The following SUGP1 variants were observed in gnomAD, a reference collection of about 807,000 sequenced individuals.
SUGP1 encodes the protein SURP and G-patch domain containing 1.
Under a neutral mutation model 76.5 loss-of-function variants are expected in SUGP1, and 34 were observed. That is an observed-to-expected ratio of 0.44 (90% CI 0.34 to 0.59). The LOEUF is 0.59. Ranked by LOEUF, SUGP1 falls within the 20% of genes least tolerant of loss-of-function variation. The pLI, the probability that SUGP1 is intolerant of heterozygous loss-of-function variation, is 0.01. For synonymous variants in SUGP1, 326 were observed against 326.2 expected (o/e 1.00, Z 0.01); for missense variants, 752 against 851.7 (o/e 0.88, Z 1.46).
intron 3 of SUGP1, among the ~76,000 whole-genome samples, chr19:19,307,331 T>C (rs2061324530): frequency 6.6e-6 from 1 of 151,976 alleles, no homozygotes; most frequent in East Asian, 1.9e-4. Context: ...ATTACAGACA[T>C]GAGCCACCAT....
At chr19:19,315,817 A>G (rs1477905547) in intron 2 of SUGP1, among the ~76,000 whole-genome samples, 1 of 151,186 alleles carries the variant, frequency 6.6e-6, no homozygotes, top group African/African-American at 2.4e-5. Context: ...TTGTCACCCC[A>G]TAAGGGCAGA....
Position 19,277,811 on chromosome 19 carries a change from CT to C in SUGP1, c.1703del (p.Gln568ArgfsTer3). 1 of 1,614,084 alleles carries C rather than the reference CT, an allele frequency of 6.2e-7. No homozygotes were observed. Among genetic ancestry groups the C allele is most frequent in the Non-Finnish European group, 8.5e-7 (1 of 1,180,000 alleles). On this transcript the variant is annotated frameshift_variant, in exon 12 of 14. Transcript: ENST00000247001. LOFTEE classifies it high-confidence loss of function. Reference sequence around the variant, plus strand: ...CCTTCCAGCCCATCTTCATCAGCATCTGGTAGCCGATGTTCTCCACAGTCAG... The same window carrying C: ...CCTTCCAGCCCATCTTCATCAGCATCGGTAGCCGATGTTCTCCACAGTCAG... Reference protein sequence around the residue: ...FKLTVENIGYQMLMKMGWKEG... With the variant: ...FKLTVENIGYXMLMKMGWKEG...
Position 19,280,246 on chromosome 19 carries a change from C to A in SUGP1, c.1289G>T (p.Gly430Val), listed in dbSNP as rs769196580. The change falls in exon 9 of 14, where the codon GGT (glycine) becomes GTT (valine). Residue 430 changes from glycine to valine, a missense_variant. By Grantham distance (109) the Gly-to-Val change is moderately radical. Coordinates refer to ENST00000247001, the MANE Select transcript of SUGP1 (RefSeq NM_172231.4). The stretch of plus-strand genomic sequence containing the variant: ...TGAAAGCTCTGTGACGCCCACTAGA[C>A]CCACAGGCTTCCCCTTCTCATAGCC... Reference protein sequence around the residue: ...GLGYEKGKPVGLVGVTELSDA... With the variant: ...GLGYEKGKPVVLVGVTELSDA... The A allele has an allele frequency of 3.1e-6, 5 of 1,613,934 alleles. No individual in the cohort carries two copies. Among genetic ancestry groups the A allele is most frequent in the Non-Finnish European group, 4.2e-6 (5 of 1,179,996 alleles).
intron 8 of SUGP1, among the ~76,000 whole-genome samples, chr19:19,294,569 C>T (rs2061210686): frequency 6.9e-6 from 1 of 145,776 alleles, no homozygotes; most frequent in African/African-American, 2.5e-5. Context: ...ACTAAAGGTA[C>T]AAAACTCTCG....
chr19:19,279,502 T>A, intron 9 of SUGP1, 112 bp from the exon 10 acceptor site: 1 of 1,213,904 alleles, frequency 8.2e-7, no homozygotes, highest in Non-Finnish European at 1.1e-6. Context: ...GTGGCTCATC[T>A]GGACCCCTGG....
chr19:19,307,956 T>A (rs1310563816), intron 3 of SUGP1, among the ~76,000 whole-genome samples: 4 of 151,446 alleles, frequency 2.6e-5, no homozygotes, highest in African/African-American at 9.7e-5. Context: ...TGAGCCACTG[T>A]GCCCAGTGAG....
chr19:19,290,414 C>G (rs901410449), intron 8 of SUGP1, among the ~76,000 whole-genome samples: 3 of 152,108 alleles, frequency 2.0e-5, no homozygotes, highest in African/African-American at 7.2e-5. Context: ...GAGGCGGAAG[C>G]AAGTGGATCA....
chr19:19,280,560 G>C (rs1301618852), intron 8 of SUGP1: 3 of 428,120 alleles, frequency 7.0e-6, no homozygotes, highest in Non-Finnish European at 1.3e-5. Context: ...AAGAATCAGA[G>C]GTTCCGGGAC....
At position 19,303,812 on chromosome 19, in the gene SUGP1, T is replaced by C. The variant is rs745959391; in HGVS notation, c.574A>G (p.Ile192Val). 4 of 1,614,170 alleles carry C rather than the reference T, an allele frequency of 2.5e-6. No individual in the cohort carries two copies. The South Asian group carries it at 4.4e-5, about 18-fold the overall frequency. Residue 192 changes from isoleucine (I) to valine (V), a missense_variant, in exon 5 of 14, where the codon ATA becomes GTA. Ile to Val is a conservative substitution (Grantham distance 29). This residue lies in a region of SUGP1 where 620 missense variants were observed against 617.3 expected (regional missense o/e 1.00). Transcript: ENST00000247001. ...PPEGAETRKV[I>V]EKLARFVAEG... ...GCCACAAAGCGGGCCAATTTCTCTA[T>C]CACTTTCCGAGTCTCGGCTCCCTCT...
intron 8 of SUGP1, among the ~76,000 whole-genome samples, chr19:19,290,373 G>A (rs977040278): frequency 2.0e-5 from 3 of 152,144 alleles, no homozygotes; most frequent in South Asian, 2.1e-4. Context: ...AGTCAGGCAC[G>A]GTGGCTCACA....
Position 19,316,602 on chromosome 19 carries a change from G to A in SUGP1, c.35-9C>T. 2 of 1,613,510 alleles carry A rather than the reference G, an allele frequency of 1.2e-6. No individual in the cohort carries two copies. The highest frequency in any genetic ancestry group is 1.7e-6 in the Non-Finnish European group (2 of 1,179,600). On this transcript the variant is annotated splice_polypyrimidine_tract_variant and intron_variant, in intron 1 of 13. Coordinates refer to ENST00000247001, the MANE Select transcript of SUGP1 (RefSeq NM_172231.4). ...CCACCGGTTAGCCTTTCCTGGGGAG[G>A]GAAAAGGAGTACGTCGGAAATCACC...
chr19:19,297,455 A>C, intron 7 of SUGP1, 111 bp from the exon 8 acceptor site: 1 of 619,754 alleles, frequency 1.6e-6, no homozygotes, highest in Non-Finnish European at 2.5e-6. Context: ...GGGTCACTAT[A>C]TGGTCATGTC....
chr19:19,317,969 C>G (rs898180419), intron 1 of SUGP1, among the ~76,000 whole-genome samples: 1 of 151,704 alleles, frequency 6.6e-6, no homozygotes, highest in Non-Finnish European at 1.5e-5. Flanking sequence ...AGCCACCACA[C>G]CTGGCTAATT....
chr19:19,317,009 G>A (rs907478494), intron 1 of SUGP1, among the ~76,000 whole-genome samples: 4 of 152,002 alleles, frequency 2.6e-5, no homozygotes, highest in Admixed American at 2.6e-4. Context: ...ATGGTGGCAT[G>A]TGCCTGTAAT....
chr19:19,304,131 G>A, intron 4 of SUGP1: 1 of 1,018,994 alleles, frequency 9.8e-7, no homozygotes. Context: ...GGTTTTGGTG[G>A]GGGAAATGCT....
chr19:19,288,130 C>T (rs1356420136), intron 8 of SUGP1, among the ~76,000 whole-genome samples: 1 of 152,138 alleles, frequency 6.6e-6, no homozygotes, highest in African/African-American at 2.4e-5. Flanking sequence ...GCACTACAGC[C>T]TGGGCAATAG....
intron 8 of SUGP1, among the ~76,000 whole-genome samples, chr19:19,288,934 T>G (rs2061161630): frequency 6.6e-6 from 1 of 151,992 alleles, no homozygotes; most frequent in South Asian, 2.1e-4. Flanking sequence ...TACAGGCATG[T>G]GCCACCATGC....
chr19:19,319,945 A>G (rs1359643479), intron 1 of SUGP1, among the ~76,000 whole-genome samples: 1 of 152,150 alleles, frequency 6.6e-6, no homozygotes, highest in African/African-American at 2.4e-5. Flanking sequence ...GCACACAGTG[A>G]GCACGCCCTA....
At chr19:19,317,132 G>C (rs1266269803) in intron 1 of SUGP1, among the ~76,000 whole-genome samples, 1 of 145,622 alleles carries the variant, frequency 6.9e-6, no homozygotes, top group African/African-American at 2.5e-5. Flanking sequence ...GCAAGACTCT[G>C]TCTCAAAAAA....
Sources: gnomAD v4.1 joint callset for allele counts (sites outside exome capture counted in the v4.1 genomes callset) on GRCh38, gnomAD v4.1.1 for gene constraint, gnomAD v4.1.1 regional missense constraint, MANE v1.5 for transcripts, NCBI Gene and HGNC (gene_info 2026-07-23, HGNC 2026-07-21) for gene names.